The following SAMMSON variants were observed in gnomAD, a reference collection of about 807,000 sequenced individuals.
The protein encoded by SAMMSON is survival associated mitochondrial melanoma specific oncogenic non-coding RNA.
chr3:70,187,149 A>G (rs919880158), intron 4 of SAMMSON, among the ~76,000 whole-genome samples: 2 of 152,172 alleles, frequency 1.3e-5, no homozygotes. Flanking sequence ...AAGAGGATAG[A>G]AAGCTTCTAA....
intron 4 of SAMMSON, among the ~76,000 whole-genome samples, chr3:70,111,105 A>G (rs1415072290): frequency 6.6e-6 from 1 of 152,180 alleles, no homozygotes; most frequent in African/African-American, 2.4e-5. Context: ...CCATTGGTAA[A>G]TGATGATTCT....
At chr3:70,050,608 G>A (rs1367348975) in intron 3 of SAMMSON, among the ~76,000 whole-genome samples, 1 of 152,128 alleles carries the variant, frequency 6.6e-6, no homozygotes, top group Admixed American at 6.6e-5. Context: ...TAGTTTAAAG[G>A]AATGACAGAC....
intron 6 of SAMMSON, among the ~76,000 whole-genome samples, chr3:70,267,312 C>T (rs1701924589): frequency 3.3e-5 from 5 of 149,892 alleles, no homozygotes; most frequent in Admixed American, 3.3e-4. Flanking sequence ...TAAAAAATAT[C>T]ATCTAAGTAT....
chr3:70,281,890 A>G (rs1444205325), intron 6 of SAMMSON, among the ~76,000 whole-genome samples: 1 of 152,194 alleles, frequency 6.6e-6, no homozygotes, highest in African/African-American at 2.4e-5. Flanking sequence ...GGTGAGGCCC[A>G]TGAAATCTTC....
At chr3:70,131,671 C>G (rs962451517) in intron 4 of SAMMSON, among the ~76,000 whole-genome samples, 7 of 152,146 alleles carry the variant, frequency 4.6e-5, no homozygotes, top group Admixed American at 2.0e-4. Context: ...GCCTCAACCT[C>G]CTAAACTCAA....
intron 4 of SAMMSON, among the ~76,000 whole-genome samples, chr3:70,234,952 G>A (rs1701593589): frequency 6.6e-6 from 1 of 152,112 alleles, no homozygotes; most frequent in East Asian, 1.9e-4. Flanking sequence ...ATTTGGTCTG[G>A]AGTGCAGTCT....
intron 1 of SAMMSON, among the ~76,000 whole-genome samples, chr3:70,002,945 A>G (rs1419520039): frequency 1.3e-5 from 2 of 152,176 alleles, no homozygotes; most frequent in African/African-American, 4.8e-5. Flanking sequence ...GCAGAGAAAT[A>G]GATGTTAAAA....
intron 4 of SAMMSON, among the ~76,000 whole-genome samples, chr3:70,177,112 G>C (rs1701014669): frequency 6.6e-6 from 1 of 152,194 alleles, no homozygotes; most frequent in South Asian, 2.1e-4. Flanking sequence ...CAAACAACTA[G>C]AGAATATATA....
intron 4 of SAMMSON, among the ~76,000 whole-genome samples, chr3:70,123,673 A>C (rs936931206): frequency 1.3e-5 from 2 of 152,220 alleles, no homozygotes; most frequent in Non-Finnish European, 2.9e-5. Context: ...AATAGTTTAC[A>C]TGGCTTTGTC....
chr3:70,358,305 T>G (rs1295126070), exon 9 of SAMMSON: 1 of 152,186 alleles, frequency 6.6e-6, no homozygotes, highest in Admixed American at 6.6e-5. Flanking sequence ...TCCAGCTCCA[T>G]GTTCAGTGAC....
intron 4 of SAMMSON, among the ~76,000 whole-genome samples, chr3:70,204,031 C>T (rs569510896): frequency 1.2e-4 from 18 of 152,198 alleles, no homozygotes; most frequent in Non-Finnish European, 2.1e-4. Flanking sequence ...TTTTAAATTC[C>T]CATCAGAGCA....
chr3:70,059,261 G>T (rs969629002), intron 3 of SAMMSON, among the ~76,000 whole-genome samples: 1 of 152,086 alleles, frequency 6.6e-6, no homozygotes, highest in Non-Finnish European at 1.5e-5. Context: ...AAGCATTTTA[G>T]ATAGAGATCA....
intron 4 of SAMMSON, among the ~76,000 whole-genome samples, chr3:70,154,840 C>G (rs962726881): frequency 1.3e-5 from 2 of 151,952 alleles, no homozygotes. Flanking sequence ...TACCTTTGAT[C>G]CTATGGAGAG....
intron 6 of SAMMSON, among the ~76,000 whole-genome samples, chr3:70,251,828 C>T (rs1241747808): frequency 6.6e-6 from 1 of 152,136 alleles, no homozygotes; most frequent in Non-Finnish European, 1.5e-5. Flanking sequence ...TTCAGATTAG[C>T]CAAACTGCAG....
chr3:70,029,621 G>A (rs1275957175), intron 3 of SAMMSON, among the ~76,000 whole-genome samples: 1 of 151,934 alleles, frequency 6.6e-6, no homozygotes, highest in Non-Finnish European at 1.5e-5. Context: ...AAGGCTTGGT[G>A]GCATGTGCCT....
intron 4 of SAMMSON, among the ~76,000 whole-genome samples, chr3:70,184,861 A>G (rs1348225850): frequency 6.6e-6 from 1 of 152,170 alleles, no homozygotes; most frequent in Non-Finnish European, 1.5e-5. Flanking sequence ...GGTGAAACTA[A>G]TGGACTGTGT....
At chr3:70,063,426 G>T (rs1348337882) in intron 3 of SAMMSON, among the ~76,000 whole-genome samples, 1 of 152,080 alleles carries the variant, frequency 6.6e-6, no homozygotes, top group East Asian at 1.9e-4. Context: ...TGAAGATGCA[G>T]CACATATTCC....
intron 2 of SAMMSON, among the ~76,000 whole-genome samples, chr3:70,416,378 T>C (rs889223148): frequency 4.6e-5 from 7 of 152,210 alleles, no homozygotes; most frequent in Admixed American, 2.6e-4. Context: ...CTGCATCTCA[T>C]TACTGTCATT....
At chr3:70,014,888 G>A (rs2066975402) in intron 3 of SAMMSON, 1 of 152,116 alleles carries the variant, frequency 6.6e-6, no homozygotes, top group South Asian at 2.1e-4. Context: ...CATTACTAAG[G>A]ATGATCGTGG....
Sources: allele counts gnomAD v4.1 joint callset (sites outside exome capture counted in the v4.1 genomes callset), GRCh38; gene constraint gnomAD v4.1.1; transcripts MANE v1.5; gene names NCBI Gene and HGNC (gene_info 2026-07-23, HGNC 2026-07-21).